Variants in RBFOX1 observed in about 807,000 individuals in gnomAD.
The protein encoded by RBFOX1 is RNA binding fox-1 homolog 1, also known as RNA binding protein fox-1 homolog 1.
A neutral mutation model predicts 57.7 loss-of-function variants in RBFOX1; 8 were observed. The ratio of observed to expected loss-of-function variants is 0.14; its 90% CI spans 0.08 to 0.25. The LOEUF is 0.25. Ranked by LOEUF, RBFOX1 falls within the 10% of genes least tolerant of loss-of-function variation. The pLI is 1.00. For synonymous variants in RBFOX1, 326 were observed against 222.4 expected, an observed-to-expected ratio of 1.47 and a Z score of -4.15; for missense variants, 611 against 548.5, an observed-to-expected ratio of 1.11 and a Z score of -1.14.
intron 2 of RBFOX1, among the ~76,000 whole-genome samples, chr16:5,510,030 C>T (rs757767311): frequency 3.9e-5 from 6 of 152,168 alleles, no homozygotes; most frequent in African/African-American, 9.7e-5. Context: ...TACCCCTGGG[C>T]GCGTCAGTTC....
At chr16:5,996,336 C>T (rs2060489965) in intron 4 of RBFOX1, among the ~76,000 whole-genome samples, 1 of 152,130 alleles carries the variant, frequency 6.6e-6, no homozygotes, top group African/African-American at 2.4e-5. Flanking sequence ...TGATTTGAAA[C>T]CCATGAGAAC....
chr16:6,799,610 A>G (rs1426199536), intron 3 of RBFOX1, among the ~76,000 whole-genome samples: 1 of 152,112 alleles, frequency 6.6e-6, no homozygotes, highest in Non-Finnish European at 1.5e-5. Context: ...ACCCACCCTC[A>G]ATCTGTGTTG....
chr16:7,675,236 C>A (rs980303796), intron 13 of RBFOX1, among the ~76,000 whole-genome samples: 1 of 145,826 alleles, frequency 6.9e-6, no homozygotes, highest in Non-Finnish European at 1.5e-5. Context: ...CTCTTTAGTC[C>A]GTCACTCTGT....
At chr16:6,839,858 T>C (rs1368947377) in intron 3 of RBFOX1, among the ~76,000 whole-genome samples, 1 of 152,216 alleles carries the variant, frequency 6.6e-6, no homozygotes, top group Non-Finnish European at 1.5e-5. Context: ...TTACGTGATA[T>C]TTGGGGTATC....
chr16:7,112,683 T>TGTGTGTGG (rs889568246), intron 4 of RBFOX1, among the ~76,000 whole-genome samples: 3 of 149,298 alleles, frequency 2.0e-5, no homozygotes, highest in African/African-American at 7.4e-5. Context: ...TGTGTGGGTG[T>TGTGTGTGG]GGGTGTGTCT....
At chr16:6,293,890 G>A (rs959817194) in intron 1 of RBFOX1, among the ~76,000 whole-genome samples, 1 of 6,894 alleles carries the variant, frequency 1.5e-4, no homozygotes, top group Admixed American at 2.9e-3. Context: ...GAATTCCAGG[G>A]TGAGCGGGGG....
intron 3 of RBFOX1, among the ~76,000 whole-genome samples, chr16:6,799,877 G>C (rs2084960048): frequency 6.6e-6 from 1 of 152,112 alleles, no homozygotes; most frequent in South Asian, 2.1e-4. Flanking sequence ...TCGGGACTCG[G>C]AGTGAGTCAT....
At chr16:7,673,763 A>G (rs930350833) in intron 13 of RBFOX1, among the ~76,000 whole-genome samples, 1 of 152,234 alleles carries the variant, frequency 6.6e-6, no homozygotes, top group Non-Finnish European at 1.5e-5. Context: ...TTTGCTGCCC[A>G]TCCTGTGAAG....
At chr16:6,643,527 CAG>C (rs1179795724) in intron 2 of RBFOX1, among the ~76,000 whole-genome samples, 8 of 152,132 alleles carry the variant, frequency 5.3e-5, no homozygotes, top group Non-Finnish European at 1.2e-4. Context: ...TTACCAACAT[CAG>C]AGTTACTCAA....
intron 4 of RBFOX1, among the ~76,000 whole-genome samples, chr16:7,490,461 GC>G (rs2066636725): frequency 1.3e-5 from 2 of 152,210 alleles, no homozygotes; most frequent in Non-Finnish European, 2.9e-5. Context: ...AAATTTTCCA[GC>G]CAGCCAGGCT....
At chr16:7,184,172 G>T (rs1236241648) in intron 4 of RBFOX1, among the ~76,000 whole-genome samples, 2 of 152,124 alleles carry the variant, frequency 1.3e-5, no homozygotes, top group African/African-American at 2.4e-5. Flanking sequence ...GTAGCACAGG[G>T]CTGGAATTAG....
chr16:7,619,952 C>G (rs1239885796), intron 10 of RBFOX1, among the ~76,000 whole-genome samples: 1 of 152,194 alleles, frequency 6.6e-6, no homozygotes, highest in Admixed American at 6.5e-5. Context: ...GGTCTGTCCC[C>G]TGACTTCCCA....
intron 4 of RBFOX1, among the ~76,000 whole-genome samples, chr16:7,228,622 G>C (rs1190927603): frequency 6.6e-6 from 1 of 152,196 alleles, no homozygotes; most frequent in South Asian, 2.1e-4. Context: ...CAAATCTTGG[G>C]CTAGAAGGAT....
At chr16:5,252,315 A>G (rs1411399133) in intron 1 of RBFOX1, among the ~76,000 whole-genome samples, 1 of 152,170 alleles carries the variant, frequency 6.6e-6, no homozygotes, top group Non-Finnish European at 1.5e-5. Context: ...TGAATTTCTC[A>G]TTAACCATTT....
intron 2 of RBFOX1, among the ~76,000 whole-genome samples, chr16:6,344,407 C>CTTTTCTTTTTTTTTTT (rs767256133): frequency 1.8e-5 from 2 of 109,846 alleles, no homozygotes; most frequent in African/African-American, 8.7e-5. Flanking sequence ...TCTTTTTTTT[C>CTTTTCTTTTTTTTTTT]TTTTTTTTTT....
Position 6,019,730 on chromosome 16 carries a change from CG to C in RBFOX1, c.-386del, listed in dbSNP as rs1253957374. The C allele has an allele frequency of 7.3e-7, 1 of 1,371,552 alleles. No homozygotes were observed. The highest frequency in any genetic ancestry group is 2.8e-5 in the East Asian group (1 of 35,224). The allele number at this position is 1,371,552 out of a possible 1,614,324, so 85.0% of individuals were successfully genotyped here. A position where few individuals can be genotyped will look rare whatever the true frequency, so the allele number is the denominator to read the frequency against. ...AGAGAGCAGGAGCGGACCGCGCGCC[CG>C]GGATTGAGAGTCCTTGCGCTCCAGA... On this transcript the variant is annotated 5_prime_UTR_variant, in exon 1 of 16. Coordinates refer to ENST00000550418, the MANE Select transcript of RBFOX1 (RefSeq NM_018723.4). The surrounding 1 kb of genome is among the most constrained non-coding windows in gnomAD (Gnocchi z 4.2).
chr16:6,653,452 T>C (rs2098615400), intron 2 of RBFOX1, among the ~76,000 whole-genome samples: 1 of 152,170 alleles, frequency 6.6e-6, no homozygotes, highest in Non-Finnish European at 1.5e-5. Context: ...AATAAGTTAA[T>C]GCCACTATTG....
chr16:6,895,124 G>A (rs1216100966), intron 3 of RBFOX1, among the ~76,000 whole-genome samples: 1 of 152,006 alleles, frequency 6.6e-6, no homozygotes, highest in African/African-American at 2.4e-5. Context: ...TTCCATAGAA[G>A]TTCAGTTCAG....
At position 6,817,056 on chromosome 16, in the gene RBFOX1, A is replaced by T. The variant is rs537265911; in HGVS notation, c.-16+162406A>T. On this transcript the variant is annotated intron_variant, in intron 3 of 15. Transcript: ENST00000550418. ...AGTCACCATGCTCAGCCTCTTTGAC[A>T]TAATTTTTGCAAATCAATGAATTGG... 2.2e-3 allele frequency among the ~76,000 whole-genome samples: 331 copies of T among 152,250 alleles called. 4 individuals are homozygous for T. Among genetic ancestry groups the T allele is most frequent in the South Asian group, 0.014 (68 of 4,820 alleles).
Sources: gnomAD v4.1 joint callset for allele counts (sites outside exome capture counted in the v4.1 genomes callset) on GRCh38, gnomAD v4.1.1 for gene constraint, Gnocchi (gnomAD v3.1) non-coding constraint, MANE v1.5 for transcripts, NCBI Gene and HGNC (gene_info 2026-07-23, HGNC 2026-07-21) for gene names.